HSD17B12: variants seen among roughly 807,000 people sequenced by gnomAD.
The protein encoded by HSD17B12 is very-long-chain 3-oxoacyl-CoA reductase.
HSD17B12 carries 32 observed loss-of-function variants against 39.3 expected under a neutral mutation model. The ratio of observed to expected loss-of-function variants is 0.81; its 90% CI spans 0.61 to 1.09. The LOEUF (loss-of-function observed/expected upper bound fraction) is 1.09, where lower values mean the gene tolerates loss of function less well. Among genes scored for constraint, HSD17B12 ranks in the 50% least tolerant of loss-of-function variants. HSD17B12 has a pLI of 0.00. For synonymous variants in HSD17B12, 150 were observed against 146.7 expected (o/e 1.02, Z -0.16); for missense variants, 342 against 382.9 (o/e 0.89, Z 0.89).
chr11:43,563,729 G>T, the HSD17B12 span, among the ~76,000 whole-genome samples: 1 of 152,128 alleles, frequency 6.6e-6, no homozygotes, highest in South Asian at 2.1e-4. Context: ...GAGGCAGGAG[G>T]ATGGCTTGAG....
chr11:43,770,610 C>T (rs576216889), intron 3 of HSD17B12, among the ~76,000 whole-genome samples: 20 of 152,274 alleles, frequency 1.3e-4, no homozygotes, highest in African/African-American at 4.6e-4. Context: ...ATGGTGTGCA[C>T]CTGTGGTCCC....
At chr11:43,596,258 G>A in the HSD17B12 span, among the ~76,000 whole-genome samples, 1 of 152,062 alleles carries the variant, frequency 6.6e-6, no homozygotes, top group African/African-American at 2.4e-5. Context: ...CTAAAATTTG[G>A]AGAGAACTGT....
At chr11:43,742,132 TATA>T (rs1257721975) in intron 1 of HSD17B12, among the ~76,000 whole-genome samples, 7,629 of 124,798 alleles carry the variant, frequency 0.061, 250 homozygotes, top group African/African-American at 0.08. Flanking sequence ...TATATATATA[TATA>T]TATATTTTTT....
chr11:43,601,568 G>A, the HSD17B12 span, among the ~76,000 whole-genome samples: 1 of 151,626 alleles, frequency 6.6e-6, no homozygotes, highest in Non-Finnish European at 1.5e-5. Flanking sequence ...TGAGAGCAAG[G>A]GCAGTCTGTT....
chr11:43,854,209 G>C (rs1355874535), intron 9 of HSD17B12: 4 of 152,276 alleles, frequency 2.6e-5, no homozygotes, highest in African/African-American at 9.7e-5. Context: ...AGAAACTAGG[G>C]AAGAAAAGTA....
At chr11:43,649,529 A>T in the HSD17B12 span, among the ~76,000 whole-genome samples, 1 of 152,228 alleles carries the variant, frequency 6.6e-6, no homozygotes, top group Admixed American at 6.5e-5. Context: ...ATCAATAGAA[A>T]AAAATGGAAG....
At chr11:43,604,587 A>G in the HSD17B12 span, among the ~76,000 whole-genome samples, 1 of 152,250 alleles carries the variant, frequency 6.6e-6, no homozygotes. Context: ...AATGGGAAAA[A>G]TAGTTAAAGC....
chr11:43,785,260 T>C (rs185624044), intron 3 of HSD17B12, among the ~76,000 whole-genome samples: 2 of 152,282 alleles, frequency 1.3e-5, no homozygotes, highest in Non-Finnish European at 2.9e-5. Context: ...TCTTCTAGCA[T>C]GGTTAAGGGG....
the HSD17B12 span, among the ~76,000 whole-genome samples, chr11:43,613,855 C>T: frequency 4.6e-5 from 7 of 151,960 alleles, no homozygotes; most frequent in African/African-American, 9.7e-5. Context: ...TTAGTAGAGC[C>T]GGAGTTTCAC....
At chr11:43,657,829 T>A in the HSD17B12 span, among the ~76,000 whole-genome samples, 2 of 152,226 alleles carry the variant, frequency 1.3e-5, no homozygotes, top group African/African-American at 4.8e-5. Flanking sequence ...CTGGCTACCC[T>A]TAACATTTTT....
At chr11:43,632,414 C>G in the HSD17B12 span, among the ~76,000 whole-genome samples, 11,531 of 152,204 alleles carry the variant, frequency 0.076, 939 homozygotes, top group African/African-American at 0.2. Flanking sequence ...CAGCATGGAA[C>G]TATTTAACCT....
chr11:43,602,795 G>A, the HSD17B12 span, among the ~76,000 whole-genome samples: 1 of 152,040 alleles, frequency 6.6e-6, no homozygotes, highest in African/African-American at 2.4e-5. Flanking sequence ...AGAGGAGGAT[G>A]GGAAACAGCA....
chr11:43,752,713 CA>C (rs200229328), intron 2 of HSD17B12, among the ~76,000 whole-genome samples: 32 of 145,072 alleles, frequency 2.2e-4, no homozygotes, highest in African/African-American at 4.1e-4. Flanking sequence ...GACTCTGTCT[CA>C]AAAAAAAAAA....
intron 5 of HSD17B12, 31 bp from the exon 6 acceptor site, chr11:43,816,316 T>G: frequency 7.0e-7 from 1 of 1,438,694 alleles, no homozygotes. Context: ...CATGATCAAG[T>G]GTATATAAAA....
intron 3 of HSD17B12, among the ~76,000 whole-genome samples, chr11:43,792,991 C>G (rs958944300): frequency 2.0e-5 from 3 of 152,134 alleles, no homozygotes. Flanking sequence ...AAACATTGAG[C>G]AGAATGACCT....
the HSD17B12 span, among the ~76,000 whole-genome samples, chr11:43,610,540 C>A: frequency 6.6e-6 from 1 of 152,086 alleles, no homozygotes; most frequent in Non-Finnish European, 1.5e-5. Context: ...GCTCTGACAC[C>A]AATTGAATGG....
At chr11:43,687,919 A>C (rs1038219672) in intron 1 of HSD17B12, among the ~76,000 whole-genome samples, 11 of 152,220 alleles carry the variant, frequency 7.2e-5, no homozygotes, top group African/African-American at 2.7e-4. Context: ...GCCTTTTTTA[A>C]AATGTCAATT....
At chr11:43,612,755 A>C in the HSD17B12 span, among the ~76,000 whole-genome samples, 2 of 152,220 alleles carry the variant, frequency 1.3e-5, no homozygotes, top group African/African-American at 2.4e-5. Flanking sequence ...GGGAATGAAG[A>C]AAATGAAAAT....
At chr11:43,783,653 G>A (rs1398028362) in intron 3 of HSD17B12, among the ~76,000 whole-genome samples, 1 of 151,900 alleles carries the variant, frequency 6.6e-6, no homozygotes, top group Non-Finnish European at 1.5e-5. Context: ...TCCCACTTAT[G>A]AGTGAGAGCA....
Sources: gnomAD v4.1 joint callset for allele counts (sites outside exome capture counted in the v4.1 genomes callset) on GRCh38, gnomAD v4.1.1 for gene constraint, MANE v1.5 for transcripts, NCBI Gene and HGNC (gene_info 2026-07-23, HGNC 2026-07-21) for gene names.